Variants in LINC00305 observed in about 807,000 individuals in gnomAD.
LINC00305 encodes the protein long intergenic non-protein coding RNA 305.
At chr18:64,088,926 C>T (rs1161588055) in intron 3 of LINC00305, among the ~76,000 whole-genome samples, 1 of 152,020 alleles carries the variant, frequency 6.6e-6, no homozygotes, top group Non-Finnish European at 1.5e-5. Context: ...CAACAGAAAA[C>T]GGGACCAACC....
intron 1 of LINC00305, among the ~76,000 whole-genome samples, chr18:64,101,478 C>T (rs1478302567): frequency 6.6e-6 from 1 of 152,156 alleles, no homozygotes; most frequent in African/African-American, 2.4e-5. Flanking sequence ...CACATCACTC[C>T]AATCTCTGCC....
At chr18:64,083,860 G>C (rs188117187) in intron 3 of LINC00305, among the ~76,000 whole-genome samples, 1 of 152,312 alleles carries the variant, frequency 6.6e-6, no homozygotes, top group African/African-American at 2.4e-5. Context: ...TTTGTATTTA[G>C]CAATTTGAAT....
chr18:64,123,774 G>A (rs982429707), intron 1 of LINC00305, among the ~76,000 whole-genome samples: 2 of 152,068 alleles, frequency 1.3e-5, no homozygotes, highest in African/African-American at 4.8e-5. Flanking sequence ...GGGCCTGGTA[G>A]GAGGTATTTG....
At chr18:64,088,257 A>G (rs12962312) in intron 3 of LINC00305, among the ~76,000 whole-genome samples, 2 of 152,246 alleles carry the variant, frequency 1.3e-5, no homozygotes, top group South Asian at 2.1e-4. Context: ...CTTTTCCCTC[A>G]CCAGTTGACC....
chr18:64,083,862 A>T (rs955300803), intron 3 of LINC00305, among the ~76,000 whole-genome samples: 3 of 152,182 alleles, frequency 2.0e-5, no homozygotes, highest in Non-Finnish European at 4.4e-5. Context: ...TGTATTTAGC[A>T]ATTTGAATCT....
chr18:64,100,430 C>A (rs17785335), intron 1 of LINC00305, among the ~76,000 whole-genome samples: 1 of 151,938 alleles, frequency 6.6e-6, no homozygotes, highest in Non-Finnish European at 1.5e-5. Context: ...GGTGCTGGGC[C>A]TTTCTTTTCC....
chr18:64,137,972 A>G (rs1426402036), intron 1 of LINC00305, among the ~76,000 whole-genome samples: 2 of 152,134 alleles, frequency 1.3e-5, no homozygotes, highest in East Asian at 3.9e-4. Context: ...GATTTGGATG[A>G]GAAATATTAA....
chr18:64,094,856 A>T (rs865982750), intron 3 of LINC00305, among the ~76,000 whole-genome samples: 54 of 120,834 alleles, frequency 4.5e-4, no homozygotes, highest in African/African-American at 1.3e-3. Context: ...TTCATCTCAA[A>T]AAATAAATAA....
chr18:64,105,175 T>C (rs1435411522), intron 1 of LINC00305, among the ~76,000 whole-genome samples: 1 of 152,144 alleles, frequency 6.6e-6, no homozygotes, highest in African/African-American at 2.4e-5. Context: ...AAAAATGTTT[T>C]CTAGGCCGGG....
At chr18:64,093,169 A>G (rs2051231621) in intron 3 of LINC00305, among the ~76,000 whole-genome samples, 1 of 152,162 alleles carries the variant, frequency 6.6e-6, no homozygotes, top group African/African-American at 2.4e-5. Flanking sequence ...AAACCACTCC[A>G]GCGATGAGGA....
chr18:64,101,295 A>G (rs997802783), intron 1 of LINC00305, among the ~76,000 whole-genome samples: 7 of 152,174 alleles, frequency 4.6e-5, no homozygotes, highest in Non-Finnish European at 8.8e-5. Context: ...TATGGGAACA[A>G]TGCCCTCTGT....
intron 1 of LINC00305, among the ~76,000 whole-genome samples, chr18:64,141,617 G>C (rs1245367958): frequency 6.6e-6 from 1 of 152,104 alleles, no homozygotes; most frequent in Admixed American, 6.6e-5. Flanking sequence ...GAATGGTAAA[G>C]AAACAAAAAG....
At chr18:64,136,681 T>C (rs562839759) in intron 1 of LINC00305, among the ~76,000 whole-genome samples, 1 of 152,240 alleles carries the variant, frequency 6.6e-6, no homozygotes, top group South Asian at 2.1e-4. Flanking sequence ...TAATAGTCTG[T>C]GGAACACAGA....
At chr18:64,130,459 C>G (rs1365488996) in intron 1 of LINC00305, among the ~76,000 whole-genome samples, 1 of 152,024 alleles carries the variant, frequency 6.6e-6, no homozygotes, top group Non-Finnish European at 1.5e-5. Flanking sequence ...TTTCAGTTAC[C>G]CAATCAATCA....
chr18:64,123,853 A>G (rs2051373021), intron 1 of LINC00305, among the ~76,000 whole-genome samples: 1 of 151,970 alleles, frequency 6.6e-6, no homozygotes, highest in African/African-American at 2.4e-5. Context: ...TTCTTGCTGT[A>G]TTTGTTACTT....
chr18:64,117,190 C>T (rs541555423), intron 1 of LINC00305, among the ~76,000 whole-genome samples: 7 of 152,292 alleles, frequency 4.6e-5, no homozygotes, highest in African/African-American at 1.4e-4. Context: ...GACAACTAGA[C>T]AAAGCCCTGA....
chr18:64,143,093 G>A (rs1481065694), intron 1 of LINC00305, among the ~76,000 whole-genome samples: 1 of 152,186 alleles, frequency 6.6e-6, no homozygotes, highest in Non-Finnish European at 1.5e-5. Context: ...AGATGTAAGA[G>A]TAAACAGTGA....
At chr18:64,121,311 T>G (rs989509175) in intron 1 of LINC00305, among the ~76,000 whole-genome samples, 2 of 152,006 alleles carry the variant, frequency 1.3e-5, no homozygotes, top group Admixed American at 1.3e-4. Context: ...TAACGTACGC[T>G]GTACCCCAAA....
At chr18:64,128,186 A>T (rs2051393590) in intron 1 of LINC00305, among the ~76,000 whole-genome samples, 1 of 152,166 alleles carries the variant, frequency 6.6e-6, no homozygotes, top group Admixed American at 6.6e-5. Context: ...TTGACTTTCT[A>T]AAGATTTAAA....
Sources: allele counts gnomAD v4.1 joint callset (sites outside exome capture counted in the v4.1 genomes callset), GRCh38; gene constraint gnomAD v4.1.1; transcripts MANE v1.5; gene names NCBI Gene and HGNC (gene_info 2026-07-23, HGNC 2026-07-21).